The following EIPR1 variants were observed in gnomAD, a reference collection of about 807,000 sequenced individuals.
EIPR1 encodes the protein EARP complex and GARP complex interacting protein 1, also known as EARP and GARP complex-interacting protein 1.
EIPR1 carries 25 observed loss-of-function variants against 48.1 expected under a neutral mutation model. The ratio of observed to expected loss-of-function variants is 0.52; its 90% CI spans 0.38 to 0.73. EIPR1 has a LOEUF of 0.73. EIPR1 is among the 30% of genes least tolerant of loss of function. The probability of loss-of-function intolerance (pLI) is 0.00; values close to 1 mark genes in which losing one functional copy is unlikely to be tolerated. For synonymous variants in EIPR1, 204 were observed against 201.9 expected (o/e 1.01, Z -0.09); for missense variants, 415 against 506.2 (o/e 0.82, Z 1.73).
intron 3 of EIPR1, among the ~76,000 whole-genome samples, chr2:3,326,919 C>T (rs985276307): frequency 3.3e-5 from 5 of 152,348 alleles, no homozygotes; most frequent in South Asian, 4.1e-4. Context: ...ATCCCTCAAA[C>T]GGAGTCATGT....
In EIPR1 at chr2:3,229,740, G is replaced by A. The variant is rs187147008; in HGVS notation, c.417-15492C>T. Among the ~76,000 whole-genome samples, 605 of 152,204 alleles carry A rather than the reference G, an allele frequency of 4.0e-3. 5 individuals carry two copies. Among genetic ancestry groups the A allele is most frequent in the Middle Eastern group, 0.017 (5 of 294 alleles). On this transcript the variant is annotated intron_variant, in intron 4 of 8. Coordinates refer to ENST00000382125, the MANE Select transcript of EIPR1 (RefSeq NM_003310.5). ...AGGATCTTCATTTTTTGCTTTATGCGGTGCTTTTCTATTTTTCATTAACGT... is the reference window on the plus strand; with the variant it reads ...AGGATCTTCATTTTTTGCTTTATGCAGTGCTTTTCTATTTTTCATTAACGT...
rs564809772 is a variant in EIPR1 at position 3,326,435 on chromosome 2, A to G, written c.259+11582T>C. On this transcript the variant is annotated intron_variant, in intron 3 of 8. Coordinates refer to ENST00000382125, the MANE Select transcript of EIPR1 (RefSeq NM_003310.5). ...ACCCCTGCAAGACCGCTGCCTCCCCAGCCTCCACTGCCCTGCTCCCACCAT... is the reference window on the plus strand; with the variant it reads ...ACCCCTGCAAGACCGCTGCCTCCCCGGCCTCCACTGCCCTGCTCCCACCAT... 2.6e-3 allele frequency among the ~76,000 whole-genome samples: 392 copies of G among 152,206 alleles called. 1 individual carries two copies. The highest frequency in any genetic ancestry group is 4.5e-3 in the Non-Finnish European group (305 of 67,986).
rs537252082 is a variant in EIPR1, at chr2:3,288,829, A to C, written c.260-31374T>G. On this transcript the variant is annotated intron_variant, in intron 3 of 8. Transcript: ENST00000382125. ...ATGATACAGTGGGAGTGGGGATGAA[A>C]CCAGATTCTGGTGCACCAGCCATTC... is the stretch of plus-strand genomic sequence containing the variant. Among the ~76,000 whole-genome samples the C allele has an allele frequency of 4.6e-5, 7 of 152,322 alleles. No homozygotes were observed. In the East Asian group the frequency reaches 1.4e-3, roughly 29 times the overall value.
chr2:3,230,264 C>T (rs747503161), intron 4 of EIPR1, among the ~76,000 whole-genome samples: 8 of 152,168 alleles, frequency 5.3e-5, no homozygotes, highest in South Asian at 2.1e-4. Context: ...AACGCACACA[C>T]GTCTTGGCCA....
At chr2:3,192,705 C>A in intron 7 of EIPR1, 124 bp from the exon 8 acceptor site, 1 of 939,222 alleles carries the variant, frequency 1.1e-6, no homozygotes, top group South Asian at 1.6e-5. Flanking sequence ...AGGCAATCGG[C>A]CCCCAGTCAC....
chr2:3,240,183 C>T (rs1313441981), intron 4 of EIPR1, among the ~76,000 whole-genome samples: 1 of 94,578 alleles, frequency 1.1e-5, no homozygotes, highest in Non-Finnish European at 2.3e-5. Flanking sequence ...GCAGCAGATC[C>T]TTCCTCAAGA....
intron 4 of EIPR1, among the ~76,000 whole-genome samples, chr2:3,225,220 A>ATGTGTGTGTG (rs1491346752): frequency 0.012 from 1,057 of 90,370 alleles, 15 homozygotes; most frequent in African/African-American, 0.032. Flanking sequence ...GTACACTGTG[A>ATGTGTGTGTG]TATGTGTGTG....
At chr2:3,268,663 G>A (rs1667569694) in intron 3 of EIPR1, among the ~76,000 whole-genome samples, 1 of 152,206 alleles carries the variant, frequency 6.6e-6, no homozygotes, top group Non-Finnish European at 1.5e-5. Context: ...CACAGGGACA[G>A]AAAGCACACT....
At chr2:3,304,907 C>G (rs1356937517) in intron 3 of EIPR1, among the ~76,000 whole-genome samples, 15 of 149,138 alleles carry the variant, frequency 1.0e-4, no homozygotes, top group Non-Finnish European at 1.8e-4. Context: ...ACCCTCCAAT[C>G]CCGTCCAGTT....
chr2:3,208,333 C>T lies in EIPR1; in HGVS notation c.516+5816G>A, dbSNP rs545335460. 234 of 855,560 alleles carry T rather than the reference C, an allele frequency of 2.7e-4. 2 individuals are homozygous for T. The highest frequency in any genetic ancestry group is 3.6e-4 in the Middle Eastern group (1 of 2,768). The allele number at this position is 855,560 out of a possible 1,614,324, so 53.0% of individuals were successfully genotyped here. ...AGGAGAGGTCTGGGCAGGCAGGAGC[C>T]ACCGTGAGCACCTCTGTGCCCGGGT... On this transcript the variant is annotated intron_variant, in intron 5 of 8. Coordinates refer to ENST00000382125, the MANE Select transcript of EIPR1 (RefSeq NM_003310.5).
intron 5 of EIPR1, among the ~76,000 whole-genome samples, chr2:3,201,488 G>A (rs966222788): frequency 2.0e-5 from 3 of 152,270 alleles, no homozygotes; most frequent in East Asian, 1.9e-4. Context: ...CAGCTGGTGC[G>A]GGAGGCGGGC....
At chr2:3,254,715 A>G (rs1204914457) in intron 4 of EIPR1, among the ~76,000 whole-genome samples, 2 of 152,234 alleles carry the variant, frequency 1.3e-5, no homozygotes, top group African/African-American at 2.4e-5. Context: ...GGCGGAAGGG[A>G]GGTGGCTGTG....
intron 6 of EIPR1, chr2:3,194,395 C>G: frequency 2.4e-6 from 1 of 423,142 alleles, no homozygotes; most frequent in Non-Finnish European, 4.2e-6. Context: ...GTATCTGTGA[C>G]CCTCTGGGCG....
intron 1 of EIPR1, among the ~76,000 whole-genome samples, chr2:3,361,963 T>G (rs1670861912): frequency 6.6e-6 from 1 of 152,248 alleles, no homozygotes; most frequent in Non-Finnish European, 1.5e-5. Context: ...GGAGTTCGAT[T>G]CTGACTTTTC....
At chr2:3,224,772 C>T (rs971542701) in intron 4 of EIPR1, among the ~76,000 whole-genome samples, 1 of 152,208 alleles carries the variant, frequency 6.6e-6, no homozygotes, top group Non-Finnish European at 1.5e-5. Flanking sequence ...ACATCGGGCT[C>T]ACCTGAGTCC....
At chr2:3,225,917 T>C (rs920395735) in intron 4 of EIPR1, among the ~76,000 whole-genome samples, 3 of 152,220 alleles carry the variant, frequency 2.0e-5, no homozygotes, top group South Asian at 2.1e-4. Context: ...CTCATTTTAC[T>C]TAGCATAATG....
rs866328956 is a variant in EIPR1, at chr2:3,263,330, C to A, written c.260-5875G>T. On this transcript the variant is annotated intron_variant, in intron 3 of 8. Transcript: ENST00000382125. The stretch of plus-strand genomic sequence containing the variant: ...TAAAAAGACTGAGAAATTGGAGACC[C>A]ACCCACAGTATTGCATGTGGCAAGG... Among the ~76,000 whole-genome samples the A allele has an allele frequency of 5.4e-4, 82 of 152,316 alleles. 1 individual carries two copies. The Middle Eastern group carries it at 0.017, about 32-fold the overall frequency.
At chr2:3,310,409 T>C (rs566336260) in intron 3 of EIPR1, among the ~76,000 whole-genome samples, 1 of 151,140 alleles carries the variant, frequency 6.6e-6, no homozygotes, top group African/African-American at 2.4e-5. Flanking sequence ...ATCCCAGCAC[T>C]TTGGGAGGCC....
At chr2:3,243,328 C>A (rs184846096) in intron 4 of EIPR1, among the ~76,000 whole-genome samples, 1 of 152,132 alleles carries the variant, frequency 6.6e-6, no homozygotes, top group South Asian at 2.1e-4. Context: ...AGCACTCTAA[C>A]ACTAAGAATT....
Sources: gnomAD v4.1 joint callset for allele counts (sites outside exome capture counted in the v4.1 genomes callset) on GRCh38, gnomAD v4.1.1 for gene constraint, MANE v1.5 for transcripts, NCBI Gene and HGNC (gene_info 2026-07-23, HGNC 2026-07-21) for gene names.